Variants in ESR1 observed in about 807,000 individuals in gnomAD.
The protein encoded by ESR1 is estrogen receptor 1.
Under a neutral mutation model 52.7 loss-of-function variants are expected in ESR1, and 12 were observed. That is an observed-to-expected ratio of 0.23 (90% CI 0.15 to 0.37). The LOEUF (loss-of-function observed/expected upper bound fraction) is 0.37, where lower values mean the gene tolerates loss of function less well. ESR1 is among the 10% of genes least tolerant of loss of function. The pLI, the probability that ESR1 is intolerant of heterozygous loss-of-function variation, is 1.00. For missense variants in ESR1, 584 were observed against 779.7 expected (o/e 0.75, Z 2.99); for synonymous variants, 305 against 316.8 (o/e 0.96, Z 0.39).
intron 3 of ESR1, among the ~76,000 whole-genome samples, chr6:151,907,561 T>C (rs927156522): frequency 1.2e-4 from 18 of 152,128 alleles, no homozygotes; most frequent in Non-Finnish European, 1.5e-5. Context: ...ATTCAACATT[T>C]TCCCATGCTG....
intron 1 of ESR1, among the ~76,000 whole-genome samples, chr6:151,662,695 G>C (rs1276740458): frequency 6.6e-6 from 1 of 152,220 alleles, no homozygotes; most frequent in Non-Finnish European, 1.5e-5. Flanking sequence ...GGGAGGTTCT[G>C]CCCGTCTTTC....
In ESR1 at chr6:151,783,037, C is replaced by T. The variant is rs190089726; in HGVS notation, c.-70-24806C>T. Among the ~76,000 whole-genome samples the T allele has an allele frequency of 2.3e-3, 343 of 152,308 alleles. 2 individuals carry two copies. Among genetic ancestry groups the T allele is most frequent in the Non-Finnish European group, 2.9e-3 (196 of 68,024 alleles). On this transcript the variant is annotated intron_variant, in intron 2 of 2. Coordinates refer to the ESR1 transcript ENST00000404742. Reference sequence around the variant, plus strand: ...TAATTCCTCAAGATAAATATTTAAACGTATGGTATATGTAATATTATTGAT... The same window carrying T: ...TAATTCCTCAAGATAAATATTTAAATGTATGGTATATGTAATATTATTGAT...
chr6:152,087,941 T>A (rs190269825), intron 6 of ESR1, among the ~76,000 whole-genome samples: 1 of 152,238 alleles, frequency 6.6e-6, no homozygotes, highest in Non-Finnish European at 1.5e-5. Context: ...CCACGGGAGA[T>A]TCTGAGAGAC....
intron 1 of ESR1, among the ~76,000 whole-genome samples, chr6:151,662,799 A>T (rs1353094176): frequency 1.3e-5 from 2 of 152,210 alleles, no homozygotes; most frequent in Admixed American, 6.5e-5. Context: ...AGAGTTTTCG[A>T]AGTCTTTAGC....
chr6:152,043,931 G>A (rs13362705), intron 5 of ESR1, among the ~76,000 whole-genome samples: 6 of 152,204 alleles, frequency 3.9e-5, no homozygotes, highest in African/African-American at 1.2e-4. Context: ...CTGATTTTCC[G>A]CAATTTCAGC....
chr6:151,710,611 T>C (rs1295685356), intron 2 of ESR1, among the ~76,000 whole-genome samples: 1 of 152,172 alleles, frequency 6.6e-6, no homozygotes, highest in East Asian at 1.9e-4. Flanking sequence ...CTGTGATACA[T>C]GTGCAGAACG....
In ESR1 at chr6:151,815,737, G is replaced by A. The variant is rs9340782; in HGVS notation, c.452+7373G>A. On this transcript the variant is annotated intron_variant, in intron 1 of 7. Coordinates refer to ENST00000206249, the MANE Select transcript of ESR1 (RefSeq NM_000125.4). ...TGTAACCTTCGAGTCAACACTCACGGTGCTTTCTCAGTCCTTTGCAGACGT... is the reference window on the plus strand; with the variant it reads ...TGTAACCTTCGAGTCAACACTCACGATGCTTTCTCAGTCCTTTGCAGACGT... Among the ~76,000 whole-genome samples the A allele has an allele frequency of 2.9e-3, 441 of 152,278 alleles. 6 individuals are homozygous for A. The highest frequency in any genetic ancestry group is 0.027 in the East Asian group (141 of 5,180).
At chr6:151,686,346 C>T (rs1041488332), upstream of ESR1, among the ~76,000 whole-genome samples, 6 of 152,046 alleles carry the variant, frequency 3.9e-5, no homozygotes, top group African/African-American at 1.2e-4. Context: ...TAGATCTGGA[C>T]ACTGAAAAGT....
chr6:151,667,645 C>A (rs1360678696), intron 1 of ESR1, among the ~76,000 whole-genome samples: 1 of 152,198 alleles, frequency 6.6e-6, no homozygotes, highest in Non-Finnish European at 1.5e-5. Context: ...ACTGTTTATA[C>A]AGGATCTTGA....
At chr6:151,923,518 C>G (rs1344855728) in intron 3 of ESR1, among the ~76,000 whole-genome samples, 1 of 152,106 alleles carries the variant, frequency 6.6e-6, no homozygotes, top group Non-Finnish European at 1.5e-5. Flanking sequence ...CTGACAACCC[C>G]TGGTCTGTTT....
At chr6:151,679,628 A>C (rs1331564299) in intron 1 of ESR1, among the ~76,000 whole-genome samples, 2 of 152,094 alleles carry the variant, frequency 1.3e-5, no homozygotes, top group Non-Finnish European at 2.9e-5. Context: ...AGCTCTCCTT[A>C]GCTTTGAAAG....
At chr6:152,121,411 G>A (rs898638840) in intron 6 of ESR1, among the ~76,000 whole-genome samples, 2 of 152,122 alleles carry the variant, frequency 1.3e-5, no homozygotes, top group Admixed American at 6.5e-5. Context: ...TCTCCCATGT[G>A]CAAAAGGAAT....
In ESR1 at chr6:152,102,662, T is replaced by C. The variant is rs1278295533; in HGVS notation, c.*3696T>C. ...CATTTCCTTTCCAATTGAATTAAAG[T>C]GTGGCCTCGTTTTTAGTCATTTAAA... On this transcript the variant is annotated 3_prime_UTR_variant, in exon 8 of 8. Coordinates refer to ENST00000206249, the MANE Select transcript of ESR1 (RefSeq NM_000125.4). 1.8e-5 allele frequency: 4 copies of C among 220,500 alleles called. No homozygotes were observed. The highest frequency in any genetic ancestry group is 3.6e-5 in the Non-Finnish European group (4 of 109,964). The allele number at this position is 220,500 out of a possible 1,614,324, so 13.7% of individuals were successfully genotyped here.
At chr6:151,983,199 GT>G (rs1420938362) in intron 4 of ESR1, among the ~76,000 whole-genome samples, 1 of 152,112 alleles carries the variant, frequency 6.6e-6, no homozygotes, top group African/African-American at 2.4e-5. Flanking sequence ...GCTCCGGGAA[GT>G]TAAGAATGGG....
At chr6:151,712,677 A>C (rs1012216627) in intron 2 of ESR1, among the ~76,000 whole-genome samples, 2 of 152,178 alleles carry the variant, frequency 1.3e-5, no homozygotes, top group Non-Finnish European at 2.9e-5. Flanking sequence ...TGATTTTTGC[A>C]CATTGATTTT....
chr6:151,740,495 T>C (rs1783016038), intron 2 of ESR1, among the ~76,000 whole-genome samples: 1 of 151,756 alleles, frequency 6.6e-6, no homozygotes, highest in Admixed American at 6.6e-5. Flanking sequence ...CACTGTGCCA[T>C]CCCACAGCTG....
At chr6:152,085,451 G>A (rs1748518442) in intron 6 of ESR1, among the ~76,000 whole-genome samples, 1 of 152,206 alleles carries the variant, frequency 6.6e-6, no homozygotes, top group African/African-American at 2.4e-5. Flanking sequence ...ATAAGACACA[G>A]AGGGAATGGC....
chr6:152,061,375 T>TCAAAATCCTA lies in ESR1; in HGVS notation c.1369+251_1369+252insCAAAATCCTA. On this transcript the variant is annotated intron_variant, in intron 6 of 7. Coordinates refer to ENST00000206249, the MANE Select transcript of ESR1 (RefSeq NM_000125.4). This position sits in a 1 kb window ranked among gnomAD's most constrained non-coding sequence, Gnocchi z 4.3. ...CTTTGAGCTAAAATTTTTGTATGCT[T>TCAAAATCCTA]TCACAGATAGGATGTTTTTATTCAA... Among the ~76,000 whole-genome samples the TCAAAATCCTA allele has an allele frequency of 6.6e-6, 1 of 152,180 alleles. No homozygotes were observed. The highest frequency in any genetic ancestry group is 2.4e-5 in the African/African-American group (1 of 41,434).
chr6:151,741,269 G>A (rs1451065331), intron 2 of ESR1, among the ~76,000 whole-genome samples: 2 of 151,736 alleles, frequency 1.3e-5, no homozygotes, highest in African/African-American at 4.8e-5. Flanking sequence ...TAGCTTAAAT[G>A]TGTTGCACTA....
Sources: gnomAD v4.1 joint callset for allele counts (sites outside exome capture counted in the v4.1 genomes callset) on GRCh38, gnomAD v4.1.1 for gene constraint, Gnocchi (gnomAD v3.1) non-coding constraint, MANE v1.5 for transcripts, NCBI Gene and HGNC (gene_info 2026-07-23, HGNC 2026-07-21) for gene names.